The following HELB variants were observed in gnomAD, a reference collection of about 807,000 sequenced individuals.
The protein encoded by HELB is DNA helicase B, also known as DNA 5'-3' helicase B.
Under a neutral mutation model 101.7 loss-of-function variants are expected in HELB, and 96 were observed. The observed-to-expected ratio is 0.94, with a 90% CI of 0.80 to 1.12. The LOEUF is 1.12. Ranked by LOEUF, HELB falls within the 50% of genes most tolerant of loss-of-function variation. HELB has a pLI of 0.00. For synonymous variants in HELB, 437 were observed against 459.7 expected (o/e 0.95, Z 0.63); for missense variants, 1,210 against 1,291.9 (o/e 0.94, Z 0.97).
chr12:66,337,923 C>G, intron 12 of HELB, 78 bp from the exon 13 acceptor site: 1 of 803,306 alleles, frequency 1.2e-6, no homozygotes, highest in Non-Finnish European at 2.0e-6. Context: ...TTTTCTGAAG[C>G]AGAGGGAATA....
At chr12:66,330,560 T>G (rs1390048721) in intron 11 of HELB, among the ~76,000 whole-genome samples, 1 of 149,338 alleles carries the variant, frequency 6.7e-6, no homozygotes, top group Non-Finnish European at 1.5e-5. Flanking sequence ...TCTATCTATC[T>G]GTCTATATAT....
chr12:66,307,241 A>T (rs180959586), intron 3 of HELB, among the ~76,000 whole-genome samples: 1 of 152,350 alleles, frequency 6.6e-6, no homozygotes, highest in Non-Finnish European at 1.5e-5. Context: ...CCCTTACATA[A>T]AATGTCTATG....
intron 4 of HELB, among the ~76,000 whole-genome samples, chr12:66,311,449 A>G (rs1240332216): frequency 6.6e-6 from 1 of 152,222 alleles, no homozygotes; most frequent in Admixed American, 6.5e-5. Flanking sequence ...GTGACAAAGT[A>G]AGACCTTGTC....
Position 66,310,479 on chromosome 12 carries a change from G to T in HELB, c.1551G>T (p.Trp517Cys), listed in dbSNP as rs140603418. ...FEQDQNASEE[W>C]ITFTEQSQLE... ...AAGACCAGAATGCTTCAGAAGAATG[G>T]ATTACCTTTACTGAGCAAAGTCAAC... Residue 517 changes from tryptophan (W) to cysteine (C), a missense_variant, in exon 4 of 13, where the codon TGG becomes TGT. Trp to Cys is a radical substitution (Grantham distance 215, BLOSUM62 -2). This residue lies in a region of HELB where 740 missense variants were observed against 728.8 expected (regional missense o/e 1.02). Coordinates refer to ENST00000247815, the MANE Select transcript of HELB (RefSeq NM_001370285.1). 3.7e-6 allele frequency: 6 copies of T among 1,614,064 alleles called. No homozygotes were observed. Among genetic ancestry groups the T allele is most frequent in the Admixed American group, 1.7e-5 (1 of 59,984 alleles).
At position 66,322,155 on chromosome 12, in the gene HELB, G is replaced by A. The variant is rs2053677602; in HGVS notation, c.2237+126G>A. 4 of 544,382 alleles carry A rather than the reference G, an allele frequency of 7.3e-6. No homozygotes were observed. In the Admixed American group the frequency reaches 1.4e-4, roughly 19 times the overall value. 33.7% of individuals were successfully genotyped at this position (544,382 alleles called of 1,614,324 possible). On this transcript the variant is annotated intron_variant, in intron 8 of 12. Transcript: ENST00000247815. ...ACTGTTAATTCTCTTTCTTATTTTGGGGTATGTCTTTGTTAGACATGGCAG... is the reference window on the plus strand; with the variant it reads ...ACTGTTAATTCTCTTTCTTATTTTGAGGTATGTCTTTGTTAGACATGGCAG...
At position 66,324,073 on chromosome 12, in the gene HELB, C is replaced by T. The variant is rs2053706038; in HGVS notation, c.2388C>T (p.Ile796=). 17 of 1,613,310 alleles carry T rather than the reference C, an allele frequency of 1.1e-5. No individual in the cohort carries two copies. Among genetic ancestry groups the T allele is most frequent in the Non-Finnish European group, 1.4e-5 (17 of 1,179,622 alleles). ...AYLSDLLPEN[I]SGSQQNNDLD... is the part of the protein sequence containing the mutation. ...TCTCAGACTTACTACCTGAAAATAT[C>T]TCTGGAAGTCAGCAAAATAATGATC... is the stretch of plus-strand genomic sequence containing the variant. Residue 796 remains isoleucine, a synonymous_variant, in exon 10 of 13, where the codon ATC becomes ATT. Transcript: ENST00000247815.
At chr12:66,335,957 C>T (rs1193882035) in intron 12 of HELB, among the ~76,000 whole-genome samples, 2 of 152,054 alleles carry the variant, frequency 1.3e-5, no homozygotes, top group African/African-American at 4.8e-5. Flanking sequence ...GGGCACACAC[C>T]CCTTCTGTAC....
Position 66,331,172 on chromosome 12 carries a change from G to A in HELB, c.2689G>A (p.Val897Ile). 1.2e-6 allele frequency: 2 copies of A among 1,608,242 alleles called. No individual in the cohort carries two copies. Among genetic ancestry groups the A allele is most frequent in the Non-Finnish European group, 1.7e-6 (2 of 1,176,024 alleles). ...HTFQGSEEQT[V>I]VYVVGKAGRQ... ...CTGCCAGGGGTCCGAGGAGCAAACA[G>A]TTGTCTATGTGGTGGGGAAGGCGGG... The change falls in exon 12 of 13, where the codon GTT becomes ATT. Residue 897 changes from valine to isoleucine, a missense_variant. Val to Ile is a conservative substitution (Grantham distance 29). Around this residue, in one of 2 missense-constraint regions of HELB, gnomAD observed 740 missense variants for 728.8 expected, o/e 1.02. Coordinates refer to ENST00000247815, the MANE Select transcript of HELB (RefSeq NM_001370285.1).
chr12:66,338,721 G>A (rs2053893885), downstream of HELB: 1 of 152,096 alleles, frequency 6.6e-6, no homozygotes, highest in Admixed American at 6.6e-5. Context: ...TTAGGATAAT[G>A]CCTCGTAACT....
intron 12 of HELB, among the ~76,000 whole-genome samples, chr12:66,334,325 G>T (rs1264091924): frequency 6.6e-6 from 1 of 151,930 alleles, no homozygotes; most frequent in Non-Finnish European, 1.5e-5. Flanking sequence ...AGCTGAACTT[G>T]GTAGTGCATA....
chr12:66,318,021 G>C lies in HELB; in HGVS notation c.2001-617G>C, dbSNP rs79335936. On this transcript the variant is annotated intron_variant, in intron 6 of 12. Transcript: ENST00000247815. ...TCGGAAAATATAAGAATGAAAGAAG[G>C]ATGAGGAAGGAATAGAAGCAACTAG... is the stretch of plus-strand genomic sequence containing the variant. Among the ~76,000 whole-genome samples the C allele has an allele frequency of 8.3e-3, 1,259 of 152,298 alleles. 15 individuals carry two copies. Among genetic ancestry groups the C allele is most frequent in the Non-Finnish European group, 0.011 (771 of 68,030 alleles).
intron 10 of HELB, 51 bp downstream of exon 10, chr12:66,324,262 G>T: frequency 8.2e-7 from 1 of 1,212,862 alleles, no homozygotes; most frequent in South Asian, 1.2e-5. Flanking sequence ...GATATGTTTG[G>T]TTATTTTATT....
At chr12:66,318,940 G>T (rs11176142) in intron 7 of HELB, 148 bp downstream of exon 7, 378,661 of 610,890 alleles carry the variant, frequency 0.62, 127,282 homozygotes, top group Middle Eastern at 0.74. Context: ...AATGAACTTA[G>T]TAATCATCAA....
intron 11 of HELB, among the ~76,000 whole-genome samples, chr12:66,329,245 G>A (rs939119462): frequency 6.6e-6 from 1 of 152,284 alleles, no homozygotes. Context: ...TCCAGGGACA[G>A]CAGATATTTG....
chr12:66,306,499 A>G lies in HELB; in HGVS notation c.762A>G (p.Lys254=). The stretch of plus-strand genomic sequence containing the variant: ...AGATTTTAGGTACACATCCGTGGAA[A>G]CTTGGATTTAGTAAAGTAAGTAAAA... The part of the protein sequence containing the change: ...IEEILGTHPW[K]LGFSKITYRE... The change falls in exon 3 of 13, where the codon AAA becomes AAG. Residue 254 remains lysine (K), a synonymous_variant. Transcript: ENST00000247815. The G allele has an allele frequency of 6.3e-7, 1 of 1,577,208 alleles. No homozygotes were observed. Among genetic ancestry groups the G allele is most frequent in the African/African-American group, 1.4e-5 (1 of 73,460 alleles).
At chr12:66,306,183 G>A (rs1189639115) in intron 2 of HELB, among the ~76,000 whole-genome samples, 162 bp from the exon 3 acceptor site, 1 of 152,152 alleles carries the variant, frequency 6.6e-6, no homozygotes, top group Non-Finnish European at 1.5e-5. Context: ...AAAAGCAATT[G>A]TCATAATATG....
intron 3 of HELB, among the ~76,000 whole-genome samples, chr12:66,308,697 A>G (rs771678858): frequency 7.9e-5 from 12 of 152,162 alleles, no homozygotes; most frequent in Non-Finnish European, 1.8e-4. Flanking sequence ...TTGCCAGTCT[A>G]TGTCCTAATC....
At chr12:66,311,011 C>T (rs2053538304) in intron 4 of HELB, among the ~76,000 whole-genome samples, 1 of 152,156 alleles carries the variant, frequency 6.6e-6, no homozygotes, top group Admixed American at 6.5e-5. Flanking sequence ...TTGAATGTTT[C>T]CTGGGTCCCT....
At position 66,331,180 on chromosome 12, in the gene HELB, T is replaced by G; in HGVS notation, c.2697T>G (p.Tyr899Ter). The G allele has an allele frequency of 6.2e-7, 1 of 1,610,838 alleles. No individual in the cohort carries two copies. The highest frequency in any genetic ancestry group is 1.1e-5 in the South Asian group (1 of 90,936). ...GGTCCGAGGAGCAAACAGTTGTCTA[T>G]GTGGTGGGGAAGGCGGGCCGCCAGC... is the stretch of plus-strand genomic sequence containing the variant. ...FQGSEEQTVV[Y>*]VVGKAGRQHW... The change falls in exon 12 of 13, where the codon TAT becomes TAG. Residue 899 changes from tyrosine to a stop codon, truncating the protein, a stop_gained. Transcript: ENST00000247815. LOFTEE classifies it high-confidence loss of function.
Sources: allele counts gnomAD v4.1 joint callset (sites outside exome capture counted in the v4.1 genomes callset), GRCh38; gene constraint gnomAD v4.1.1; regional missense constraint gnomAD v4.1.1; transcripts MANE v1.5; gene names NCBI Gene and HGNC (gene_info 2026-07-23, HGNC 2026-07-21).